TADA2A: variants seen among roughly 807,000 people sequenced by gnomAD.
TADA2A encodes transcriptional adapter 2-alpha.
In TADA2A, 38 loss-of-function variants were observed where a neutral mutation model predicts 67.4. The observed-to-expected ratio is 0.56, with a 90% confidence interval of 0.44 to 0.74. The LOEUF is 0.74. Among genes scored for constraint, TADA2A ranks in the 30% least tolerant of loss-of-function variants. The pLI, the probability that TADA2A is intolerant of heterozygous loss-of-function variation, is 0.00. For synonymous variants in TADA2A, 192 were observed against 181.6 expected (o/e 1.06, Z -0.46); for missense variants, 454 against 547.0 (o/e 0.83, Z 1.70).
chr17:37,429,060 A>T (rs914953787), intron 4 of TADA2A, among the ~76,000 whole-genome samples: 1 of 151,358 alleles, frequency 6.6e-6, no homozygotes, highest in African/African-American at 2.4e-5. Context: ...AAAAAAAAAA[A>T]AGAAAAAGAA....
chr17:37,406,985 CGG>C (rs2051562742), intron 1 of TADA2A, 36 bp downstream of exon 1: 1 of 62,352 alleles, frequency 1.6e-5, no homozygotes, highest in Non-Finnish European at 3.3e-5. Flanking sequence ...GGCGGGCGGG[CGG>C]GTGGCGGAGC....
intron 14 of TADA2A, among the ~76,000 whole-genome samples, chr17:37,473,220 G>C (rs1486707573): frequency 1.4e-5 from 2 of 139,110 alleles, no homozygotes; most frequent in Non-Finnish European, 3.0e-5. Context: ...TGATCCTCCT[G>C]CTTCAGCCTC....
intron 10 of TADA2A, 127 bp from the exon 11 acceptor site, chr17:37,465,304 A>G: frequency 1.5e-6 from 1 of 674,710 alleles, no homozygotes; most frequent in Non-Finnish European, 2.5e-6. Context: ...CCTGTCATGG[A>G]TAAGTTAGTC....
intron 3 of TADA2A, 55 bp downstream of exon 3, chr17:37,423,670 G>T: frequency 1.5e-6 from 2 of 1,330,036 alleles, no homozygotes; most frequent in Non-Finnish European, 1.1e-6. Context: ...TTTTTATGAT[G>T]TAATATTTCG....
intron 7 of TADA2A, among the ~76,000 whole-genome samples, chr17:37,444,244 G>GT (rs1425346256): frequency 8.6e-6 from 1 of 115,816 alleles, no homozygotes; most frequent in Admixed American, 1.1e-4. Context: ...GAGTGACAGA[G>GT]TAAGACCCTG....
intron 2 of TADA2A, 121 bp downstream of exon 2, chr17:37,411,511 C>T (rs1219291431): frequency 2.1e-6 from 2 of 951,758 alleles, no homozygotes; most frequent in Admixed American, 3.9e-5. Context: ...CAACTTCTGC[C>T]TCCCGGCTTT....
rs116889960 is a variant in TADA2A, at chr17:37,418,402, G to T, written c.26-5107G>T. Among the ~76,000 whole-genome samples the T allele has an allele frequency of 8.5e-5, 13 of 152,178 alleles. 1 individual carries two copies. The East Asian group carries it at 2.5e-3, about 29-fold the overall frequency. On this transcript the variant is annotated intron_variant, in intron 2 of 15. Coordinates refer to ENST00000615182, the MANE Select transcript of TADA2A (RefSeq NM_001166105.3). ...CACTGGTCATTGTGGCAACAAAAAG[G>T]TACCTCCTCAGATTTCCAAATGGCT...
At chr17:37,425,259 C>T (rs2052370437) in intron 3 of TADA2A, among the ~76,000 whole-genome samples, 8 of 152,138 alleles carry the variant, frequency 5.3e-5, no homozygotes, top group Admixed American at 5.2e-4. Context: ...TTTGATGACA[C>T]TGTTTATTGT....
At position 37,458,530 on chromosome 17, in the gene TADA2A, A is replaced by G; in HGVS notation, c.611A>G (p.Lys204Arg). 6.2e-7 allele frequency: 1 copy of G among 1,612,222 alleles called. No homozygotes were observed. The highest frequency in any genetic ancestry group is 1.3e-5 in the African/African-American group (1 of 74,936). The change falls in exon 9 of 16, where the codon AAG (lysine) becomes AGG (arginine). Residue 204 changes from lysine (K) to arginine (R), a missense_variant. Coordinates refer to ENST00000615182, the MANE Select transcript of TADA2A (RefSeq NM_001166105.3). ...EDDSDILHALKMAVVDIYHSR... is the reference protein window; with the variant it reads ...EDDSDILHALRMAVVDIYHSR... ...TGTATGAATTTATTTGTAGCTCTGA[A>G]GATGGCTGTGGTAGATATCTATCAT...
At chr17:37,418,894 TTC>T (rs1244321433) in intron 2 of TADA2A, among the ~76,000 whole-genome samples, 51 of 146,338 alleles carry the variant, frequency 3.5e-4, no homozygotes, top group South Asian at 6.7e-4. Flanking sequence ...TGGCTATTTT[TTC>T]TTTTTATTAT....
chr17:37,442,471 C>A, intron 6 of TADA2A, 93 bp from the exon 7 acceptor site: 4 of 950,034 alleles, frequency 4.2e-6, no homozygotes, highest in Admixed American at 2.9e-5. Context: ...TTATAAAAAC[C>A]ATTTTAAATT....
chr17:37,411,018 A>G (rs1420571725), intron 1 of TADA2A, among the ~76,000 whole-genome samples: 1 of 152,242 alleles, frequency 6.6e-6, no homozygotes, highest in Non-Finnish European at 1.5e-5. Context: ...TAGCATTTAT[A>G]GAGGACCAGG....
intron 2 of TADA2A, 104 bp downstream of exon 2, chr17:37,411,494 C>G: frequency 9.3e-7 from 1 of 1,076,996 alleles, no homozygotes; most frequent in South Asian, 1.3e-5. Flanking sequence ...ATGATGTTGG[C>G]TCACTGCAAC....
intron 2 of TADA2A, among the ~76,000 whole-genome samples, chr17:37,417,696 A>G (rs1433595849): frequency 6.6e-6 from 1 of 151,918 alleles, no homozygotes; most frequent in Non-Finnish European, 1.5e-5. Flanking sequence ...CACCAGGCCC[A>G]GACAATTTTT....
At chr17:37,462,220 A>G in intron 10 of TADA2A, 99 bp downstream of exon 10, 1 of 799,842 alleles carries the variant, frequency 1.3e-6, no homozygotes, top group Non-Finnish European at 2.0e-6. Context: ...CAAGTTGCAT[A>G]TTAGCCTGGC....
intron 4 of TADA2A, among the ~76,000 whole-genome samples, chr17:37,429,958 C>G (rs903914711): frequency 6.6e-6 from 1 of 152,200 alleles, no homozygotes; most frequent in African/African-American, 2.4e-5. Context: ...GTTATCAGGT[C>G]TTCAGAAAGC....
intron 13 of TADA2A, 106 bp downstream of exon 13, chr17:37,470,638 T>C: frequency 8.1e-7 from 1 of 1,241,944 alleles, no homozygotes. Context: ...ATTGAGTAGC[T>C]GGAAGAATTC....
At chr17:37,409,806 A>G (rs557029859) in intron 1 of TADA2A, among the ~76,000 whole-genome samples, 1 of 152,108 alleles carries the variant, frequency 6.6e-6, no homozygotes, top group East Asian at 1.9e-4. Context: ...CTGTGAGTGT[A>G]CAGAAGAAGG....
chr17:37,426,663 CAGAAAAAAAA>C (rs1278378830), intron 3 of TADA2A: 159 of 98,650 alleles, frequency 1.6e-3, no homozygotes, highest in African/African-American at 7.2e-3. Context: ...GACTCCGTCT[CAGAAAAAAAA>C]AAAAAAAAAA....
Sources: allele counts gnomAD v4.1 joint callset (sites outside exome capture counted in the v4.1 genomes callset), GRCh38; gene constraint gnomAD v4.1.1; transcripts MANE v1.5; gene names NCBI Gene and HGNC (gene_info 2026-07-23, HGNC 2026-07-21).